HLA-DPB1: variants seen among roughly 807,000 people sequenced by gnomAD.
HLA-DPB1 encodes HLA class II histocompatibility antigen, DP beta 1 chain.
In HLA-DPB1, 30 loss-of-function variants were observed where a neutral mutation model predicts 29.4. The observed-to-expected ratio is 1.02, with a 90% CI of 0.76 to 1.38. HLA-DPB1 has a LOEUF of 1.38. HLA-DPB1 is among the 40% of genes most tolerant of loss of function. HLA-DPB1 has a pLI of 0.00. For synonymous variants in HLA-DPB1, 114 were observed against 134.0 expected (o/e 0.85, Z 1.03); for missense variants, 261 against 327.5 (o/e 0.80, Z 1.57).
At chr6:33,082,623 G>A (rs1201689383) in intron 2 of HLA-DPB1, among the ~76,000 whole-genome samples, 1 of 152,184 alleles carries the variant, frequency 6.6e-6, no homozygotes, top group East Asian at 1.9e-4. Flanking sequence ...GGGAGATGAG[G>A]TAGGAAACTG....
In HLA-DPB1 at chr6:33,088,628, C is replaced by T. The variant is rs3130187; in HGVS notation, c.*2094C>T. The stretch of plus-strand genomic sequence containing the variant: ...GAGAGACCATCCAAACTGGGACCAC[C>T]TTGTCACTAGACTTCAAATTTTCAA... On this transcript the variant is annotated 3_prime_UTR_variant, in exon 6 of 6. Transcript: ENST00000418931. Among the ~76,000 whole-genome samples the T allele has an allele frequency of 0.25, 38,240 of 151,932 alleles. 5,186 individuals are homozygous for T. Among genetic ancestry groups the T allele is most frequent in the East Asian group, 0.62 (3,198 of 5,118 alleles).
chr6:33,078,663 C>T (rs116755889), intron 1 of HLA-DPB1, among the ~76,000 whole-genome samples: 47 of 152,150 alleles, frequency 3.1e-4, no homozygotes, highest in Non-Finnish European at 5.3e-4. Context: ...ACCATAAAAC[C>T]CCTCATTGCT....
Position 33,076,035 on chromosome 6 carries a change from C to T in HLA-DPB1, c.-7C>T. The stretch of plus-strand genomic sequence containing the variant: ...CTCTTTTCATTTTGCCATCCTTTTC[C>T]AGCTCCATGATGGTTCTGCAGGTTT... On this transcript the variant is annotated 5_prime_UTR_variant, in exon 1 of 6. Coordinates refer to ENST00000418931, the MANE Select transcript of HLA-DPB1 (RefSeq NM_002121.6). The T allele has an allele frequency of 1.9e-6, 3 of 1,608,732 alleles. No individual in the cohort carries two copies. Among genetic ancestry groups the T allele is most frequent in the Non-Finnish European group, 2.5e-6 (3 of 1,177,346 alleles).
rs1175312409 is a variant in HLA-DPB1 at position 33,080,113 on chromosome 6, A to G, written c.101-559A>G. On this transcript the variant is annotated intron_variant, in intron 1 of 5. Transcript: ENST00000418931. This position sits in a 1 kb window ranked among gnomAD's most constrained non-coding sequence, Gnocchi z 4.3. The stretch of plus-strand genomic sequence containing the variant: ...AAAGTTTTAAGAAATATATTTCTAC[A>G]TCTCCTACATGCAAAACAACAGGAG... Among the ~76,000 whole-genome samples the G allele has an allele frequency of 6.6e-6, 1 of 152,200 alleles. No homozygotes were observed. Among genetic ancestry groups the G allele is most frequent in the Non-Finnish European group, 1.5e-5 (1 of 68,032 alleles).
Position 33,085,628 on chromosome 6 carries a change from G to C in HLA-DPB1, c.647-151G>C, listed in dbSNP as rs577201828. On this transcript the variant is annotated intron_variant, in intron 3 of 5. Coordinates refer to ENST00000418931, the MANE Select transcript of HLA-DPB1 (RefSeq NM_002121.6). ...GTCACACCCCTGTTCCAGATATGAG[G>C]GTGGCTCTTTCTGAATTTCCTCTTA... The C allele has an allele frequency of 4.5e-6, 3 of 666,064 alleles. No homozygotes were observed. In the Admixed American group the frequency reaches 6.7e-5, roughly 15 times the overall value. 41.3% of individuals were successfully genotyped at this position (666,064 alleles called of 1,614,324 possible). A position where few individuals can be genotyped will look rare whatever the true frequency, so the allele number is the denominator to read the frequency against.
At chr6:33,081,955 C>T (rs1323311478) in intron 2 of HLA-DPB1, 1 of 151,854 alleles carries the variant, frequency 6.6e-6, no homozygotes, top group Non-Finnish European at 1.5e-5. Flanking sequence ...ACCTGAGGGA[C>T]TTGAGGGAGT....
In HLA-DPB1 at chr6:33,080,921, C is replaced by T. The variant is rs1195096458; in HGVS notation, c.350C>T (p.Thr117Ile). 5 of 1,594,556 alleles carry T rather than the reference C, an allele frequency of 3.1e-6. No homozygotes were observed. In the East Asian group the frequency reaches 8.9e-5, roughly 28 times the overall value. Residue 117 changes from threonine to isoleucine, a missense_variant, in exon 2 of 6, where the codon ACC becomes ATC. Transcript: ENST00000418931. The surrounding 1 kb of genome is among the most constrained non-coding windows in gnomAD (Gnocchi z 4.3). ...AACTACGAGCTGGGCGGGCCCATGA[C>T]CCTGCAGCGCCGAGGTGAGTGAGGG... ...RHNYELGGPMTLQRRVQPRVN... is the reference protein window; with the variant it reads ...RHNYELGGPMILQRRVQPRVN...
Position 33,080,291 on chromosome 6 carries a change from G to A in HLA-DPB1, c.101-381G>A. 2.5e-6 allele frequency: 1 copy of A among 398,538 alleles called. No individual in the cohort carries two copies. Among genetic ancestry groups the A allele is most frequent in the Middle Eastern group, 8.7e-4 (1 of 1,150 alleles). 24.7% of individuals were successfully genotyped at this position (398,538 alleles called of 1,614,324 possible). A position where few individuals can be genotyped will look rare whatever the true frequency, so the allele number is the denominator to read the frequency against. ...TGTCAGTCAGGGAGTTAAGTAGGGG[G>A]AGCAGCTCCGCCCTCCACGTCCCCA... is the stretch of plus-strand genomic sequence containing the variant. On this transcript the variant is annotated intron_variant, in intron 1 of 5. Transcript: ENST00000418931. This position sits in a 1 kb window ranked among gnomAD's most constrained non-coding sequence, Gnocchi z 4.3.
At chr6:33,082,867 T>C (rs1367625134) in intron 2 of HLA-DPB1, among the ~76,000 whole-genome samples, 2 of 152,196 alleles carry the variant, frequency 1.3e-5, no homozygotes, top group South Asian at 2.1e-4. Flanking sequence ...AATGAGGCCA[T>C]TGGGTATCAG....
In HLA-DPB1 at chr6:33,086,910, G is replaced by T. The variant is rs9277531; in HGVS notation, c.*376G>T. The T allele has an allele frequency of 3.8e-6, 1 of 263,366 alleles. No homozygotes were observed. The highest frequency in any genetic ancestry group is 7.4e-6 in the Non-Finnish European group (1 of 135,272). 16.3% of individuals were successfully genotyped at this position (263,366 alleles called of 1,614,324 possible). On this transcript the variant is annotated 3_prime_UTR_variant, in exon 6 of 6. Transcript: ENST00000418931. ...GGAAAGAAGAGAACCATGAAAATGG[G>T]GATATGTTAACTATTGTATAATGGG...
chr6:33,076,169 G>A (rs1489539370), intron 1 of HLA-DPB1, 28 bp downstream of exon 1: 2 of 1,485,230 alleles, frequency 1.3e-6, no homozygotes, highest in African/African-American at 1.4e-5. Flanking sequence ...ATTCTTGGAG[G>A]GTCTGGCTCA....
rs1350512166 is a variant in HLA-DPB1 at position 33,080,266 on chromosome 6, TGTCA to T, written c.101-400_101-397del. 2.7e-6 allele frequency: 1 copy of T among 371,116 alleles called. No individual in the cohort carries two copies. Among genetic ancestry groups the T allele is most frequent in the Non-Finnish European group, 5.3e-6 (1 of 189,984 alleles). The allele number at this position is 371,116 out of a possible 1,614,324, so 23.0% of individuals were successfully genotyped here. A position where few individuals can be genotyped will look rare whatever the true frequency, so the allele number is the denominator to read the frequency against. On this transcript the variant is annotated intron_variant, in intron 1 of 5. Transcript: ENST00000418931. The surrounding 1 kb of genome is among the most constrained non-coding windows in gnomAD (Gnocchi z 4.3). ...ACCAGGACTGACATCAGGATGGAAATGTCAGTCAGGGAGTTAAGTAGGGGGAGCA... is the reference window on the plus strand; with the variant it reads ...ACCAGGACTGACATCAGGATGGAAATGTCAGGGAGTTAAGTAGGGGGAGCA...
intron 2 of HLA-DPB1, chr6:33,083,530 A>G (rs9277399): frequency 0.38 from 57,606 of 152,348 alleles, 12,288 homozygotes; most frequent in East Asian, 0.63. Flanking sequence ...GTGCTGTGGC[A>G]CCATCATGGC....
At chr6:33,077,839 T>C (rs908168292) in intron 1 of HLA-DPB1, among the ~76,000 whole-genome samples, 2 of 152,180 alleles carry the variant, frequency 1.3e-5, no homozygotes, top group African/African-American at 4.8e-5. Context: ...TGGAATCTCC[T>C]GAATACAGCC....
At chr6:33,086,122 G>A in intron 4 of HLA-DPB1, 97 bp from the exon 5 acceptor site, 1 of 1,132,258 alleles carries the variant, frequency 8.8e-7, no homozygotes. Flanking sequence ...CGTCCATTGA[G>A]TGATGGGCAA....
intron 1 of HLA-DPB1, chr6:33,079,645 C>A: frequency 2.1e-6 from 1 of 470,968 alleles, no homozygotes; most frequent in East Asian, 5.9e-5. Context: ...GCAACAACAA[C>A]AACAAAAAAA....
chr6:33,081,044 G>A, intron 2 of HLA-DPB1, 109 bp downstream of exon 2: 1 of 1,293,826 alleles, frequency 7.7e-7, no homozygotes, highest in African/African-American at 1.5e-5. Context: ...GGCGGAAAGG[G>A]GACTTTGGGT....
rs1240562798 is a variant in HLA-DPB1 at position 33,087,177 on chromosome 6, A to G, written c.*643A>G. ...TAAATGAACATCAGAATTTAAAATCATAAATATAATCTAATACACTTTAAC... is the reference window on the plus strand; with the variant it reads ...TAAATGAACATCAGAATTTAAAATCGTAAATATAATCTAATACACTTTAAC... On this transcript the variant is annotated 3_prime_UTR_variant, in exon 6 of 6. Coordinates refer to ENST00000418931, the MANE Select transcript of HLA-DPB1 (RefSeq NM_002121.6). The G allele has an allele frequency of 1.3e-5, 2 of 153,834 alleles. No individual in the cohort carries two copies. The highest frequency in any genetic ancestry group is 4.8e-5 in the African/African-American group (2 of 41,494). The allele number at this position is 153,834 out of a possible 1,614,324, so 9.5% of individuals were successfully genotyped here.
At position 33,080,947 on chromosome 6, in the gene HLA-DPB1, CT is replaced by C; in HGVS notation, c.364+15del. The C allele has an allele frequency of 6.4e-7, 1 of 1,570,166 alleles. No individual in the cohort carries two copies. On this transcript the variant is annotated intron_variant, in intron 2 of 5. Transcript: ENST00000418931. The surrounding 1 kb of genome is among the most constrained non-coding windows in gnomAD (Gnocchi z 4.3). Reference sequence around the variant, plus strand: ...CCTGCAGCGCCGAGGTGAGTGAGGGCTTTGGGCCGGCGGTCCCAGGGCAGCC... The same window carrying C: ...CCTGCAGCGCCGAGGTGAGTGAGGGCTTGGGCCGGCGGTCCCAGGGCAGCC...
Sources: gnomAD v4.1 joint callset for allele counts (sites outside exome capture counted in the v4.1 genomes callset) on GRCh38, gnomAD v4.1.1 for gene constraint, Gnocchi (gnomAD v3.1) non-coding constraint, MANE v1.5 for transcripts, NCBI Gene and HGNC (gene_info 2026-07-23, HGNC 2026-07-21) for gene names.